The following RNF115 variants were observed in gnomAD, a reference collection of about 807,000 sequenced individuals.
RNF115 encodes ring finger protein 115, also known as E3 ubiquitin-protein ligase RNF115.
A neutral mutation model predicts 39.2 loss-of-function variants in RNF115; 31 were observed. The observed-to-expected ratio is 0.79, with a 90% CI of 0.59 to 1.07. The LOEUF (loss-of-function observed/expected upper bound fraction) is 1.07. Among genes scored for constraint, RNF115 ranks in the 50% least tolerant of loss-of-function variants. The probability of loss-of-function intolerance (pLI) is 0.00; values close to 1 mark genes in which losing one functional copy is unlikely to be tolerated. For synonymous variants in RNF115, 124 were observed against 131.0 expected, an observed-to-expected ratio of 0.95 and a Z score of 0.37; for missense variants, 384 against 381.7, an observed-to-expected ratio of 1.01 and a Z score of -0.05.
intron 4 of RNF115, among the ~76,000 whole-genome samples, chr1:145,768,273 C>T (rs1647470396): frequency 6.6e-6 from 1 of 152,242 alleles, no homozygotes; most frequent in African/African-American, 2.4e-5. Flanking sequence ...CTGTGGCATC[C>T]TCTCCAATGG....
At chr1:145,781,266 A>G (rs1553717360) in intron 3 of RNF115, among the ~76,000 whole-genome samples, 1 of 152,236 alleles carries the variant, frequency 6.6e-6, no homozygotes, top group Admixed American at 6.5e-5. Flanking sequence ...CTTATAGAAA[A>G]TAACCACTTC....
In RNF115 at chr1:145,820,338, A is replaced by G. The variant is rs114139111; in HGVS notation, c.102+3434T>C. ...AAAAATTAGCCAGGCATGGTGGAAC[A>G]CACCTATCTACTACTACTCAGGAGG... is the stretch of plus-strand genomic sequence containing the variant. On this transcript the variant is annotated intron_variant, in intron 1 of 8. Coordinates refer to ENST00000582693, the MANE Select transcript of RNF115 (RefSeq NM_014455.4). 5.4e-3 allele frequency among the ~76,000 whole-genome samples: 816 copies of G among 150,832 alleles called. 4 individuals carry two copies. The highest frequency in any genetic ancestry group is 0.017 in the Middle Eastern group (5 of 292).
At chr1:145,811,883 CAA>C (rs67086842) in intron 1 of RNF115, among the ~76,000 whole-genome samples, 76 of 35,842 alleles carry the variant, frequency 2.1e-3, no homozygotes, top group South Asian at 6.9e-3. Flanking sequence ...TTCTGTCTCA[CAA>C]AAAAAAAAAA....
intron 4 of RNF115, among the ~76,000 whole-genome samples, chr1:145,769,007 G>A (rs989303252): frequency 9.9e-5 from 15 of 152,118 alleles, no homozygotes; most frequent in Non-Finnish European, 2.2e-4. Context: ...TGCCTTGGAA[G>A]GAAAGTTTCT....
chr1:145,764,393 G>C (rs1658663409), intron 4 of RNF115, among the ~76,000 whole-genome samples: 1 of 151,148 alleles, frequency 6.6e-6, no homozygotes, highest in South Asian at 2.1e-4. Flanking sequence ...AGGAAGTGAG[G>C]AGCGTCTCTG....
At position 145,746,710 on chromosome 1, in the gene RNF115, CTTTAAA is replaced by C. The variant is rs1657891503; in HGVS notation, c.*150_*155del. 2.8e-6 allele frequency: 2 copies of C among 718,336 alleles called. No individual in the cohort carries two copies. Among genetic ancestry groups the C allele is most frequent in the Admixed American group, 6.3e-5 (2 of 31,622 alleles). The allele number at this position is 718,336 out of a possible 1,614,324, so 44.5% of individuals were successfully genotyped here. A position where few individuals can be genotyped will look rare whatever the true frequency, so the allele number is the denominator to read the frequency against. ...ATACAATTCCATCTGTAGATACTAA[CTTTAAA>C]TTTAAAGAAGAAAAACATTCATTGC... is the stretch of plus-strand genomic sequence containing the variant. On this transcript the variant is annotated 3_prime_UTR_variant, in exon 9 of 9. Coordinates refer to ENST00000582693, the MANE Select transcript of RNF115 (RefSeq NM_014455.4).
rs587640578 is a variant in RNF115 at position 145,754,901 on chromosome 1, T to C, written c.429-1852A>G. On this transcript the variant is annotated intron_variant, in intron 4 of 8. Transcript: ENST00000582693. ...CTGGACTTAGTGACTCACTTAACAA[T>C]AGAATATGGCAGAATTGATAATCTG... 6.6e-5 allele frequency among the ~76,000 whole-genome samples: 10 copies of C among 152,148 alleles called. No individual in the cohort carries two copies. In the South Asian group the frequency reaches 1.9e-3, roughly 28 times the overall value.
intron 4 of RNF115, among the ~76,000 whole-genome samples, chr1:145,756,402 C>A (rs1553713164): frequency 6.6e-6 from 1 of 151,690 alleles, no homozygotes; most frequent in African/African-American, 2.4e-5. Flanking sequence ...GGACGTTGCA[C>A]TGAGCCGAGA....
chr1:145,796,432 T>C (rs973992623), intron 1 of RNF115, among the ~76,000 whole-genome samples: 2 of 152,050 alleles, frequency 1.3e-5, no homozygotes, highest in African/African-American at 4.8e-5. Context: ...TCTTAACTTT[T>C]TTTTTTTTTT....
intron 4 of RNF115, among the ~76,000 whole-genome samples, chr1:145,767,221 TG>T (rs1647366284): frequency 7.5e-6 from 1 of 133,998 alleles, no homozygotes; most frequent in Non-Finnish European, 1.6e-5. Context: ...CCAGACGGGG[TG>T]GCTGCCGGGC....
intron 1 of RNF115, among the ~76,000 whole-genome samples, chr1:145,812,865 C>T: frequency 6.8e-6 from 1 of 147,562 alleles, no homozygotes; most frequent in Non-Finnish European, 1.5e-5. Context: ...AAGTTATCCA[C>T]CCACCTCTGC....
intron 1 of RNF115, among the ~76,000 whole-genome samples, chr1:145,812,654 C>G (rs1649785705): frequency 8.1e-6 from 1 of 122,840 alleles, no homozygotes; most frequent in South Asian, 2.8e-4. Context: ...AGTGAGGCTT[C>G]AGGTCTCAAA....
intron 1 of RNF115, among the ~76,000 whole-genome samples, chr1:145,805,165 G>C (rs1649410195): frequency 2.0e-5 from 3 of 152,082 alleles, no homozygotes; most frequent in Non-Finnish European, 2.9e-5. Context: ...GTAATACTTG[G>C]AATTCTAGCA....
chr1:145,767,672 G>A, intron 4 of RNF115, among the ~76,000 whole-genome samples: 1 of 152,210 alleles, frequency 6.6e-6, no homozygotes, highest in Admixed American at 6.5e-5. Context: ...CTGCACTCCA[G>A]CCTGGGCACC....
In RNF115 at chr1:145,745,308, T is replaced by C. The variant is rs1657829388; in HGVS notation, c.*1558A>G. The C allele has an allele frequency of 6.6e-6, 1 of 152,150 alleles. No homozygotes were observed. Among genetic ancestry groups the C allele is most frequent in the African/African-American group, 2.4e-5 (1 of 41,396 alleles). 9.4% of individuals were successfully genotyped at this position (152,150 alleles called of 1,614,324 possible). ...CAAAAATACAAAAATTACCCAGGCA[T>C]GGTGGCACACGCCTGTAGTCCCAGC... On this transcript the variant is annotated 3_prime_UTR_variant, in exon 9 of 9. Transcript: ENST00000582693.
rs1657733466 is a variant in RNF115 at position 145,743,078 on chromosome 1, T to A, written c.*3788A>T. ...ATACATGTATCATTTCTGTTTTTCCTCATTGTGATGGTTAATCTTATGTGT... is the reference window on the plus strand; with the variant it reads ...ATACATGTATCATTTCTGTTTTTCCACATTGTGATGGTTAATCTTATGTGT... On this transcript the variant is annotated 3_prime_UTR_variant, in exon 9 of 9. Transcript: ENST00000582693. 1 of 152,254 alleles carries A rather than the reference T, an allele frequency of 6.6e-6. No individual in the cohort carries two copies. The highest frequency in any genetic ancestry group is 2.1e-4 in the South Asian group (1 of 4,834). 9.4% of individuals were successfully genotyped at this position (152,254 alleles called of 1,614,324 possible). A position where few individuals can be genotyped will look rare whatever the true frequency, so the allele number is the denominator to read the frequency against.
At chr1:145,772,785 G>T (rs782736652) in intron 3 of RNF115, 1 of 152,072 alleles carries the variant, frequency 6.6e-6, no homozygotes, top group Non-Finnish European at 1.5e-5. Context: ...ATTTGAAATG[G>T]TTTTGGCAAT....
At chr1:145,766,049 G>A (rs587768432) in intron 4 of RNF115, among the ~76,000 whole-genome samples, 2 of 151,912 alleles carry the variant, frequency 1.3e-5, no homozygotes, top group South Asian at 2.1e-4. Context: ...CTCGCAGAGG[G>A]AGATTTGGCA....
intron 4 of RNF115, among the ~76,000 whole-genome samples, chr1:145,758,958 T>C (rs755079488): frequency 6.6e-6 from 1 of 152,226 alleles, no homozygotes; most frequent in Non-Finnish European, 1.5e-5. Context: ...GGAAGGAAGA[T>C]AGTGTATACA....
Sources: gnomAD v4.1 joint callset for allele counts (sites outside exome capture counted in the v4.1 genomes callset) on GRCh38, gnomAD v4.1.1 for gene constraint, MANE v1.5 for transcripts, NCBI Gene and HGNC (gene_info 2026-07-23, HGNC 2026-07-21) for gene names.